CTTNBP2: variants seen among roughly 807,000 people sequenced by gnomAD.
CTTNBP2 encodes the protein cortactin binding protein 2, also known as cortactin-binding protein 2.
Under a neutral mutation model 156.9 loss-of-function variants are expected in CTTNBP2, and 108 were observed. The ratio of observed to expected loss-of-function variants is 0.69; its 90% CI spans 0.59 to 0.81. The LOEUF (loss-of-function observed/expected upper bound fraction) is 0.81, where lower values mean the gene tolerates loss of function less well. Ranked by LOEUF, CTTNBP2 falls within the 30% of genes least tolerant of loss-of-function variation. The pLI is 0.00. For synonymous variants in CTTNBP2, 767 were observed against 751.8 expected (o/e 1.02, Z -0.33); for missense variants, 1,924 against 2,035.4 (o/e 0.95, Z 1.05).
rs189142783 is a variant in CTTNBP2 at position 117,804,495 on chromosome 7, C to T, written c.414+6270G>A. 4.4e-4 allele frequency among the ~76,000 whole-genome samples: 67 copies of T among 152,212 alleles called. No homozygotes were observed. In the East Asian group the frequency reaches 8.1e-3, roughly 18 times the overall value. On this transcript the variant is annotated intron_variant, in intron 3 of 22. Coordinates refer to ENST00000160373, the MANE Select transcript of CTTNBP2 (RefSeq NM_033427.3). ...TATAAATTTCATATATGACTATTCA[C>T]AATAGCAAAGACACAGAATCAACCC...
At position 117,873,380 on chromosome 7, in the gene CTTNBP2, C is replaced by G. The variant is rs867266479; in HGVS notation, c.36G>C (p.Leu12Phe). 5.4e-6 allele frequency: 8 copies of G among 1,488,162 alleles called. No individual in the cohort carries two copies. In the South Asian group the frequency reaches 9.0e-5, roughly 17 times the overall value. The allele number at this position is 1,488,162 out of a possible 1,614,324, so 92.2% of individuals were successfully genotyped here. The part of the protein sequence containing the change: ...ATDGASCEPD[L>F]SRAPEDAAGA... ...CCGCCGCGTCCTCCGGGGCCCGGGA[C>G]AAGTCGGGCTCGCAGCTCGCGCCGT... Residue 12 changes from leucine (L) to phenylalanine (F), a missense_variant, in exon 1 of 23, where the codon TTG (leucine) becomes TTC (phenylalanine). Leu to Phe is a conservative substitution (Grantham distance 22). Coordinates refer to ENST00000160373, the MANE Select transcript of CTTNBP2 (RefSeq NM_033427.3).
chr7:117,863,805 GC>G (rs1289672909), intron 1 of CTTNBP2, among the ~76,000 whole-genome samples: 1 of 152,148 alleles, frequency 6.6e-6, no homozygotes, highest in African/African-American at 2.4e-5. Flanking sequence ...TTGGCCAGGA[GC>G]CTATTTCTTT....
At chr7:117,720,717 G>T (rs34811395) in intron 20 of CTTNBP2, among the ~76,000 whole-genome samples, 1 of 151,998 alleles carries the variant, frequency 6.6e-6, no homozygotes, top group Admixed American at 6.6e-5. Context: ...AAGTCATACT[G>T]TTTCTGTAAA....
intron 16 of CTTNBP2, among the ~76,000 whole-genome samples, chr7:117,732,286 A>C (rs987088956): frequency 1.3e-5 from 2 of 152,156 alleles, no homozygotes; most frequent in African/African-American, 4.8e-5. Flanking sequence ...TATAAAAATC[A>C]AATCTTTTAT....
intron 4 of CTTNBP2, among the ~76,000 whole-genome samples, chr7:117,789,283 AC>A (rs1205135888): frequency 6.6e-6 from 1 of 152,232 alleles, no homozygotes; most frequent in Non-Finnish European, 1.5e-5. Context: ...GACTAAGGCA[AC>A]AAGTGGCAAA....
intron 2 of CTTNBP2, among the ~76,000 whole-genome samples, chr7:117,860,578 C>T (rs963718231): frequency 1.3e-5 from 2 of 152,124 alleles, no homozygotes; most frequent in Admixed American, 6.5e-5. Context: ...CTCCTGACCT[C>T]ATGATCCGCC....
At chr7:117,737,359 A>T (rs1795762150) in intron 14 of CTTNBP2, among the ~76,000 whole-genome samples, 1 of 152,224 alleles carries the variant, frequency 6.6e-6, no homozygotes, top group Admixed American at 6.5e-5. Flanking sequence ...TCTGTAACTG[A>T]GGACTGAAGG....
Position 117,791,196 on chromosome 7 carries a change from G to C in CTTNBP2, c.2000C>G (p.Ser667Cys). Residue 667 changes from serine to cysteine, a missense_variant, in exon 4 of 23, where the codon TCC (serine) becomes TGC (cysteine). Physicochemically the swap from Ser to Cys is moderately radical, Grantham distance 112 (BLOSUM62 -1). Coordinates refer to ENST00000160373, the MANE Select transcript of CTTNBP2 (RefSeq NM_033427.3). The part of the protein sequence containing the change: ...VIPTTIAFCS[S>C]INPVSASSCR... The stretch of plus-strand genomic sequence containing the variant: ...GGATGAGGCACTAACGGGGTTTATG[G>C]AAGAGCAAAAGGCAATGGTGGTAGG... 2 of 1,614,176 alleles carry C rather than the reference G, an allele frequency of 1.2e-6. No individual in the cohort carries two copies. The highest frequency in any genetic ancestry group is 1.7e-6 in the Non-Finnish European group (2 of 1,180,028).
At chr7:117,825,654 G>A (rs937764142) in intron 2 of CTTNBP2, among the ~76,000 whole-genome samples, 2 of 152,198 alleles carry the variant, frequency 1.3e-5, no homozygotes, top group African/African-American at 4.8e-5. Context: ...TCGCTTCAAA[G>A]TTATGCAAAC....
At chr7:117,722,547 T>C (rs1004169446) in intron 19 of CTTNBP2, among the ~76,000 whole-genome samples, 1 of 152,194 alleles carries the variant, frequency 6.6e-6, no homozygotes, top group Non-Finnish European at 1.5e-5. Flanking sequence ...AAAATACAAA[T>C]AATTTCAAGT....
intron 14 of CTTNBP2, 89 bp from the exon 15 acceptor site, chr7:117,735,510 C>T: frequency 8.7e-7 from 1 of 1,144,602 alleles, no homozygotes; most frequent in Non-Finnish European, 1.3e-6. Flanking sequence ...AGTTATAAAG[C>T]ATTAGCAAAG....
intron 3 of CTTNBP2, among the ~76,000 whole-genome samples, chr7:117,796,136 C>T (rs563162627): frequency 1.3e-5 from 2 of 152,152 alleles, no homozygotes; most frequent in Non-Finnish European, 2.9e-5. Context: ...ATTTCCTTCC[C>T]TTCAATCTAA....
intron 19 of CTTNBP2, among the ~76,000 whole-genome samples, chr7:117,722,305 A>G (rs1340348590): frequency 6.6e-6 from 1 of 150,964 alleles, no homozygotes; most frequent in African/African-American, 2.4e-5. Flanking sequence ...TGTAATAATC[A>G]TATATACAGT....
intron 3 of CTTNBP2, among the ~76,000 whole-genome samples, chr7:117,808,721 T>C (rs1800089910): frequency 6.6e-6 from 1 of 152,226 alleles, no homozygotes; most frequent in Admixed American, 6.5e-5. Context: ...TTTTTTTCCT[T>C]ATGGCTTTTA....
rs537641798 is a variant in CTTNBP2, at chr7:117,743,579, T to C, written c.3535+2252A>G. ...TGCAGTGTTTAGAATAGGGCCTACA[T>C]GGTGAAACCCCGTCTCTACTAAAAA... On this transcript the variant is annotated intron_variant, in intron 14 of 22. Coordinates refer to ENST00000160373, the MANE Select transcript of CTTNBP2 (RefSeq NM_033427.3). 2.6e-5 allele frequency among the ~76,000 whole-genome samples: 4 copies of C among 151,904 alleles called. No individual in the cohort carries two copies. The South Asian group carries it at 8.3e-4, about 32-fold the overall frequency.
At chr7:117,741,733 A>T (rs532246114) in intron 14 of CTTNBP2, among the ~76,000 whole-genome samples, 1 of 152,118 alleles carries the variant, frequency 6.6e-6, no homozygotes, top group Non-Finnish European at 1.5e-5. Context: ...TTAAAATCCA[A>T]ATTATTCTTT....
intron 6 of CTTNBP2, 46 bp from the exon 7 acceptor site, chr7:117,780,637 T>C (rs956449747): frequency 3.6e-5 from 46 of 1,266,412 alleles, no homozygotes; most frequent in Non-Finnish European, 4.9e-5. Flanking sequence ...GGGTTTGACC[T>C]TTGAAGCACC....
chr7:117,739,266 C>T (rs964030566), intron 14 of CTTNBP2, among the ~76,000 whole-genome samples: 6 of 152,186 alleles, frequency 3.9e-5, no homozygotes, highest in Non-Finnish European at 8.8e-5. Context: ...GAACTCATTA[C>T]AGTTTCAAGG....
At chr7:117,720,519 C>T (rs911878207) in intron 20 of CTTNBP2, among the ~76,000 whole-genome samples, 16 of 152,076 alleles carry the variant, frequency 1.1e-4, no homozygotes, top group African/African-American at 3.4e-4. Flanking sequence ...CATGGTGAAA[C>T]GCCGTCTCTA....
Sources: allele counts gnomAD v4.1 joint callset (sites outside exome capture counted in the v4.1 genomes callset), GRCh38; gene constraint gnomAD v4.1.1; transcripts MANE v1.5; gene names NCBI Gene and HGNC (gene_info 2026-07-23, HGNC 2026-07-21).